WDR33: variants seen among roughly 807,000 people sequenced by gnomAD.
WDR33 encodes the protein pre-mRNA 3' end processing protein WDR33.
A neutral mutation model predicts 164.9 loss-of-function variants in WDR33; 47 were observed. That is an observed-to-expected ratio of 0.29 (90% CI 0.23 to 0.36). The LOEUF is 0.36. Ranked by LOEUF, WDR33 falls within the 10% of genes least tolerant of loss-of-function variation. The pLI, the probability that WDR33 is intolerant of heterozygous loss-of-function variation, is 1.00. For missense variants in WDR33, 1,137 were observed against 1,754.1 expected (o/e 0.65, Z 6.28); for synonymous variants, 505 against 589.0 (o/e 0.86, Z 2.06).
rs1231157773 is a variant in WDR33 at position 127,714,368 on chromosome 2, T to C, written c.2870-347A>G. Among the ~76,000 whole-genome samples, 2 of 152,170 alleles carry C rather than the reference T, an allele frequency of 1.3e-5. No individual in the cohort carries two copies. The highest frequency in any genetic ancestry group is 2.9e-5 in the Non-Finnish European group (2 of 68,012). Reference sequence around the variant, plus strand: ...TGCCCCTATTCTTTCAGGCATTTCATTAGGGCCACCTGCTCCACATCCAAG... The same window carrying C: ...TGCCCCTATTCTTTCAGGCATTTCACTAGGGCCACCTGCTCCACATCCAAG... On this transcript the variant is annotated intron_variant, in intron 17 of 21. Coordinates refer to ENST00000322313, the MANE Select transcript of WDR33 (RefSeq NM_018383.5). This position sits in a 1 kb window ranked among gnomAD's most constrained non-coding sequence, Gnocchi z 4.3.
At chr2:127,771,783 A>G in intron 1 of WDR33, among the ~76,000 whole-genome samples, 1 of 136,682 alleles carries the variant, frequency 7.3e-6, no homozygotes. Flanking sequence ...GTTGGAAAGA[A>G]GGAAGGAGGG....
At chr2:127,759,418 C>T (rs1458678012) in intron 7 of WDR33, among the ~76,000 whole-genome samples, 1 of 152,152 alleles carries the variant, frequency 6.6e-6, no homozygotes, top group African/African-American at 2.4e-5. Flanking sequence ...AGGCCAGGCA[C>T]GGTGGCTCAC....
rs1323596070 is a variant in WDR33, at chr2:127,741,449, T to A, written c.725-14672A>T. On this transcript the variant is annotated intron_variant, in intron 7 of 21. Coordinates refer to ENST00000322313, the MANE Select transcript of WDR33 (RefSeq NM_018383.5). This position sits in a 1 kb window ranked among gnomAD's most constrained non-coding sequence, Gnocchi z 4.1. Reference sequence around the variant, plus strand: ...TTACTTGATAAATGTGGCAGTGGCCTGTGCTTCTCCACTCACTTCATTAAA... The same window carrying A: ...TTACTTGATAAATGTGGCAGTGGCCAGTGCTTCTCCACTCACTTCATTAAA... Among the ~76,000 whole-genome samples the A allele has an allele frequency of 6.6e-6, 1 of 152,228 alleles. No homozygotes were observed. Among genetic ancestry groups the A allele is most frequent in the East Asian group, 1.9e-4 (1 of 5,198 alleles).
In WDR33 at chr2:127,702,069, C is replaced by T; in HGVS notation, c.*4254G>A. ...CGCGGGCGCGCAGGTGGCCGCGCTG[C>T]TGGCCGCGCTGGTTGGGCTGCTGCC... On this transcript the variant is annotated 3_prime_UTR_variant, in exon 22 of 22. Transcript: ENST00000322313. 1 of 1,209,100 alleles carries T rather than the reference C, an allele frequency of 8.3e-7. No individual in the cohort carries two copies. The highest frequency in any genetic ancestry group is 1.0e-6 in the Non-Finnish European group (1 of 972,220). The allele number at this position is 1,209,100 out of a possible 1,614,324, so 74.9% of individuals were successfully genotyped here. A position where few individuals can be genotyped will look rare whatever the true frequency, so the allele number is the denominator to read the frequency against.
chr2:127,786,744 C>T (rs893495463), intron 1 of WDR33, among the ~76,000 whole-genome samples: 1 of 151,696 alleles, frequency 6.6e-6, no homozygotes, highest in African/African-American at 2.4e-5. Context: ...CCTTGATAAA[C>T]TCAATTTATT....
At chr2:127,743,700 T>C (rs1441654712) in intron 7 of WDR33, among the ~76,000 whole-genome samples, 3 of 152,146 alleles carry the variant, frequency 2.0e-5, no homozygotes, top group Non-Finnish European at 2.9e-5. Flanking sequence ...CAAGGAATAT[T>C]GGCTAAAGTT....
At chr2:127,736,206 G>T (rs886856271) in intron 7 of WDR33, 1 of 985,280 alleles carries the variant, frequency 1.0e-6, no homozygotes, top group African/African-American at 1.7e-5. Context: ...GGCTGATTTT[G>T]GAAATGTGAA....
chr2:127,739,128 G>A (rs11903460), intron 7 of WDR33, among the ~76,000 whole-genome samples: 90 of 152,278 alleles, frequency 5.9e-4, no homozygotes, highest in African/African-American at 2.1e-3. Flanking sequence ...GTATCTACTC[G>A]TGAAGGTGTT....
intron 1 of WDR33, among the ~76,000 whole-genome samples, chr2:127,810,212 T>C (rs746909358): frequency 1.3e-5 from 2 of 152,226 alleles, no homozygotes; most frequent in Non-Finnish European, 2.9e-5. Context: ...AACAGTCAAC[T>C]TAAGATCATG....
At chr2:127,750,723 C>T (rs1377941050) in intron 7 of WDR33, among the ~76,000 whole-genome samples, 10 of 39,304 alleles carry the variant, frequency 2.5e-4, no homozygotes, top group African/African-American at 1.0e-3. Context: ...TGTATGTATG[C>T]ATACATATAT....
intron 7 of WDR33, among the ~76,000 whole-genome samples, chr2:127,731,072 T>C (rs1033665296): frequency 3.3e-5 from 5 of 151,974 alleles, no homozygotes; most frequent in East Asian, 3.9e-4. Context: ...GGTGGGTGGA[T>C]TGCTTGAATC....
intron 4 of WDR33, among the ~76,000 whole-genome samples, chr2:127,766,774 CTT>C (rs202231773): frequency 1.4e-5 from 2 of 146,358 alleles, no homozygotes; most frequent in Admixed American, 6.8e-5. Flanking sequence ...AACAATGTTT[CTT>C]TTTTTTTTTT....
chr2:127,724,070 C>CAAAT lies in WDR33; in HGVS notation c.1196+259_1196+262dup, dbSNP rs139698649. ...GCCAGCCTGGACAGAGACCCTGTCT[C>CAAAT]AAATAAATAAATAAATAAATAAATA... is the stretch of plus-strand genomic sequence containing the variant. On this transcript the variant is annotated intron_variant, in intron 11 of 21. Transcript: ENST00000322313. The surrounding 1 kb of genome is among the most constrained non-coding windows in gnomAD (Gnocchi z 4.8). Among the ~76,000 whole-genome samples the CAAAT allele has an allele frequency of 4.7e-4, 71 of 150,904 alleles. No individual in the cohort carries two copies. The highest frequency in any genetic ancestry group is 2.7e-3 in the East Asian group (14 of 5,126).
chr2:127,742,969 TTTGAG>T (rs2105404667), intron 7 of WDR33, among the ~76,000 whole-genome samples: 1 of 151,836 alleles, frequency 6.6e-6, no homozygotes, highest in African/African-American at 2.4e-5. Context: ...CAGGATTATA[TTTGAG>T]TTATCAGTAA....
At chr2:127,768,017 G>C (rs1687875052) in intron 4 of WDR33, among the ~76,000 whole-genome samples, 172 bp downstream of exon 4, 1 of 152,150 alleles carries the variant, frequency 6.6e-6, no homozygotes, top group Non-Finnish European at 1.5e-5. Context: ...TCACTCAATG[G>C]TGATAAAGTA....
intron 1 of WDR33, among the ~76,000 whole-genome samples, chr2:127,792,916 A>G (rs1171503622): frequency 6.6e-6 from 1 of 152,194 alleles, no homozygotes; most frequent in East Asian, 1.9e-4. Context: ...TGAAACAAAC[A>G]AAGCAGGCCA....
intron 1 of WDR33, among the ~76,000 whole-genome samples, chr2:127,803,012 A>C (rs1208945616): frequency 6.6e-6 from 1 of 152,080 alleles, no homozygotes; most frequent in East Asian, 1.9e-4. Flanking sequence ...CTAAATTAAG[A>C]GGGAGAAAAA....
chr2:127,749,119 T>A (rs1687245480), intron 7 of WDR33, among the ~76,000 whole-genome samples: 1 of 152,124 alleles, frequency 6.6e-6, no homozygotes, highest in African/African-American at 2.4e-5. Context: ...GGAAAATCTC[T>A]TAGCCTAGGA....
At position 127,741,977 on chromosome 2, in the gene WDR33, G is replaced by A. The variant is rs1687030204; in HGVS notation, c.725-15200C>T. 6.6e-6 allele frequency among the ~76,000 whole-genome samples: 1 copy of A among 152,072 alleles called. No homozygotes were observed. Among genetic ancestry groups the A allele is most frequent in the African/African-American group, 2.4e-5 (1 of 41,424 alleles). On this transcript the variant is annotated intron_variant, in intron 7 of 21. Transcript: ENST00000322313. This position sits in a 1 kb window ranked among gnomAD's most constrained non-coding sequence, Gnocchi z 4.1. Reference sequence around the variant, plus strand: ...GCACTTTGGGAGGCCGAGGCGGGTGGATCACCTGAAGTCAGGAGTTCAAGA... The same window carrying A: ...GCACTTTGGGAGGCCGAGGCGGGTGAATCACCTGAAGTCAGGAGTTCAAGA...
Sources: allele counts gnomAD v4.1 joint callset (sites outside exome capture counted in the v4.1 genomes callset), GRCh38; gene constraint gnomAD v4.1.1; non-coding constraint Gnocchi (gnomAD v3.1); transcripts MANE v1.5; gene names NCBI Gene and HGNC (gene_info 2026-07-23, HGNC 2026-07-21).